Variants in CTNND2 observed in about 807,000 individuals in gnomAD.
CTNND2 encodes catenin delta 2.
CTNND2 carries 22 observed loss-of-function variants against 144.4 expected under a neutral mutation model. The ratio of observed to expected loss-of-function variants is 0.15; its 90% CI spans 0.11 to 0.22. CTNND2 has a LOEUF of 0.22. Ranked by LOEUF, CTNND2 falls within the 10% of genes least tolerant of loss-of-function variation. The pLI, the probability that CTNND2 is intolerant of heterozygous loss-of-function variation, is 1.00. For synonymous variants in CTNND2, 751 were observed against 695.6 expected (o/e 1.08, Z -1.25); for missense variants, 1,353 against 1,618.8 (o/e 0.84, Z 2.82).
At chr5:11,259,451 C>T (rs1256458699) in intron 9 of CTNND2, among the ~76,000 whole-genome samples, 4 of 152,194 alleles carry the variant, frequency 2.6e-5, no homozygotes, top group Non-Finnish European at 5.9e-5. Context: ...CCATCCTGGA[C>T]ATCCAGCCCT....
intron 3 of CTNND2, among the ~76,000 whole-genome samples, chr5:11,517,100 C>T (rs979614814): frequency 6.6e-5 from 10 of 152,156 alleles, no homozygotes; most frequent in African/African-American, 1.7e-4. Context: ...GAATAAGCAA[C>T]ACTTAACCAT....
chr5:11,413,787 ATTC>A (rs1262652474), intron 3 of CTNND2, among the ~76,000 whole-genome samples: 2 of 152,114 alleles, frequency 1.3e-5, no homozygotes, highest in Admixed American at 6.6e-5. Flanking sequence ...CCACAACTTC[ATTC>A]TTCTATATTT....
At position 11,903,758 on chromosome 5, in the gene CTNND2, G is replaced by A. The variant is rs370191831; in HGVS notation, c.37+59C>T. 4.8e-5 allele frequency: 69 copies of A among 1,452,068 alleles called. No homozygotes were observed. In the African/African-American group the frequency reaches 8.3e-4, roughly 17 times the overall value. The allele number at this position is 1,452,068 out of a possible 1,614,324, so 89.9% of individuals were successfully genotyped here. On this transcript the variant is annotated intron_variant, in intron 1 of 21. Transcript: ENST00000304623. The surrounding 1 kb of genome is among the most constrained non-coding windows in gnomAD (Gnocchi z 5.4). ...ACCACCCCCACCAGCGGCAAGAGGAGGAGGACGGCGCCGGGAGGAGGCTGC... is the reference window on the plus strand; with the variant it reads ...ACCACCCCCACCAGCGGCAAGAGGAAGAGGACGGCGCCGGGAGGAGGCTGC...
intron 8 of CTNND2, among the ~76,000 whole-genome samples, chr5:11,351,243 C>A (rs1211955857): frequency 3.9e-5 from 6 of 152,190 alleles, no homozygotes; most frequent in Non-Finnish European, 8.8e-5. Context: ...TCCAATTGAA[C>A]CCACTCAGGG....
intron 3 of CTNND2, among the ~76,000 whole-genome samples, chr5:11,500,174 T>G (rs1427645661): frequency 1.3e-5 from 2 of 152,160 alleles, no homozygotes; most frequent in Non-Finnish European, 2.9e-5. Flanking sequence ...ACACCCTCTA[T>G]GCCTGCATAT....
chr5:11,483,551 T>C (rs1338562850), intron 3 of CTNND2, among the ~76,000 whole-genome samples: 1 of 152,236 alleles, frequency 6.6e-6, no homozygotes, highest in African/African-American at 2.4e-5. Context: ...GAGATTTGTG[T>C]ACCTTTCAAT....
chr5:10,984,227 T>A (rs901785051), intron 20 of CTNND2, among the ~76,000 whole-genome samples: 6 of 152,130 alleles, frequency 3.9e-5, no homozygotes, highest in Non-Finnish European at 7.3e-5. Context: ...TGCTGCTACC[T>A]CCGTATGTAT....
At chr5:11,149,056 A>G (rs1340062988) in intron 12 of CTNND2, among the ~76,000 whole-genome samples, 3 of 152,242 alleles carry the variant, frequency 2.0e-5, no homozygotes, top group Non-Finnish European at 4.4e-5. Flanking sequence ...TTCCGTGCAC[A>G]TTAAGGAGAA....
intron 1 of CTNND2, among the ~76,000 whole-genome samples, chr5:11,750,403 T>C (rs955575114): frequency 5.3e-5 from 8 of 151,870 alleles, no homozygotes; most frequent in Admixed American, 4.6e-4. Context: ...AGAGGATATG[T>C]TGCTTGAGTG....
chr5:11,074,394 C>T (rs1214249253), intron 16 of CTNND2, among the ~76,000 whole-genome samples: 3 of 152,252 alleles, frequency 2.0e-5, no homozygotes, highest in South Asian at 2.1e-4. Context: ...GACTCAGGTG[C>T]GTTTCAATCC....
chr5:11,381,777 C>G (rs1197033303), intron 7 of CTNND2, among the ~76,000 whole-genome samples: 1 of 152,138 alleles, frequency 6.6e-6, no homozygotes, highest in East Asian at 1.9e-4. Context: ...ACCATCCTGG[C>G]TAACACGGTG....
At chr5:11,401,091 A>G (rs1311720541) in intron 5 of CTNND2, among the ~76,000 whole-genome samples, 1 of 152,188 alleles carries the variant, frequency 6.6e-6, no homozygotes, top group Non-Finnish European at 1.5e-5. Context: ...CTCGCTGTCC[A>G]CTATTCGTGG....
At chr5:11,102,050 C>A (rs748390973) in intron 14 of CTNND2, among the ~76,000 whole-genome samples, 3 of 151,984 alleles carry the variant, frequency 2.0e-5, no homozygotes, top group Non-Finnish European at 4.4e-5. Context: ...CATCTTGTTC[C>A]AGCTTGGGGG....
At chr5:11,107,645 C>T (rs1307510839) in intron 14 of CTNND2, among the ~76,000 whole-genome samples, 1 of 152,204 alleles carries the variant, frequency 6.6e-6, no homozygotes, top group Non-Finnish European at 1.5e-5. Context: ...TGCATATAAA[C>T]TTAAGTTCTT....
At chr5:11,141,800 G>T (rs1756757244) in intron 12 of CTNND2, among the ~76,000 whole-genome samples, 1 of 152,150 alleles carries the variant, frequency 6.6e-6, no homozygotes, top group Non-Finnish European at 1.5e-5. Context: ...TGATTTCTTT[G>T]CCTGTTGCTA....
intron 13 of CTNND2, among the ~76,000 whole-genome samples, chr5:11,113,598 GA>G (rs1236956865): frequency 1.3e-5 from 2 of 150,448 alleles, no homozygotes; most frequent in East Asian, 1.9e-4. Context: ...AACAATGATG[GA>G]AAAAAAAATA....
intron 3 of CTNND2, among the ~76,000 whole-genome samples, chr5:11,446,217 C>T (rs1384109052): frequency 2.0e-5 from 3 of 152,214 alleles, no homozygotes; most frequent in South Asian, 2.1e-4. Context: ...AAGTGATCCA[C>T]CTGCCTTGGC....
chr5:11,572,685 C>T (rs1777657502), intron 2 of CTNND2, among the ~76,000 whole-genome samples: 1 of 152,132 alleles, frequency 6.6e-6, no homozygotes, highest in Non-Finnish European at 1.5e-5. Flanking sequence ...TCTATTTCCC[C>T]CAGTGGCCCG....
intron 9 of CTNND2, among the ~76,000 whole-genome samples, chr5:11,277,720 C>T (rs991846563): frequency 6.6e-6 from 1 of 151,848 alleles, no homozygotes; most frequent in Non-Finnish European, 1.5e-5. Flanking sequence ...TTAGTCGAGT[C>T]AGGATTTCAC....
Sources: gnomAD v4.1 joint callset for allele counts (sites outside exome capture counted in the v4.1 genomes callset) on GRCh38, gnomAD v4.1.1 for gene constraint, Gnocchi (gnomAD v3.1) non-coding constraint, MANE v1.5 for transcripts, NCBI Gene and HGNC (gene_info 2026-07-23, HGNC 2026-07-21) for gene names.